Variants in SCHIP1 observed in about 807,000 individuals in gnomAD.
SCHIP1 encodes the protein schwannomin interacting protein 1.
Under a neutral mutation model 29.7 loss-of-function variants are expected in SCHIP1, and 8 were observed. The ratio of observed to expected loss-of-function variants is 0.27; its 90% CI spans 0.16 to 0.49. SCHIP1 has a LOEUF of 0.49. Among genes scored for constraint, SCHIP1 ranks in the 20% least tolerant of loss-of-function variants. SCHIP1 has a pLI of 0.99. For synonymous variants in SCHIP1, 76 were observed against 94.9 expected (o/e 0.80, Z 1.16); for missense variants, 193 against 294.6 (o/e 0.66, Z 2.52).
the SCHIP1 span, among the ~76,000 whole-genome samples, chr3:159,655,095 T>C: frequency 2.0e-5 from 3 of 152,202 alleles, no homozygotes; most frequent in Non-Finnish European, 4.4e-5. Context: ...AGCTCTACCA[T>C]TTATTTGTTG....
chr3:159,454,291 C>T, the SCHIP1 span, among the ~76,000 whole-genome samples: 14 of 152,116 alleles, frequency 9.2e-5, no homozygotes, highest in African/African-American at 3.4e-4. Context: ...AGTTTGAGAA[C>T]CGCTGACTTA....
the SCHIP1 span, among the ~76,000 whole-genome samples, chr3:159,583,575 G>A: frequency 6.6e-6 from 1 of 152,224 alleles, no homozygotes; most frequent in East Asian, 1.9e-4. Flanking sequence ...TCCAAACCCA[G>A]AGCATAAGAA....
chr3:159,800,637 G>C, the SCHIP1 span, among the ~76,000 whole-genome samples: 10 of 152,132 alleles, frequency 6.6e-5, no homozygotes. Context: ...GGCCCGTGAA[G>C]GTCCTAGTGA....
At chr3:159,839,535 C>T (rs1744006981), upstream of SCHIP1, among the ~76,000 whole-genome samples, 1 of 149,046 alleles carries the variant, frequency 6.7e-6, no homozygotes, top group Admixed American at 6.7e-5. Flanking sequence ...AAAAACTCAA[C>T]ATAGAAAAAC....
At chr3:159,637,966 A>T in the SCHIP1 span, among the ~76,000 whole-genome samples, 1 of 152,234 alleles carries the variant, frequency 6.6e-6, no homozygotes, top group East Asian at 1.9e-4. Context: ...CCATCTATGT[A>T]TCACAATGTG....
the SCHIP1 span, among the ~76,000 whole-genome samples, chr3:159,281,029 C>T: frequency 6.6e-6 from 1 of 152,162 alleles, no homozygotes; most frequent in African/African-American, 2.4e-5. Context: ...GCAATCGTGG[C>T]TGTGGAGGCT....
chr3:159,565,591 C>A, the SCHIP1 span, among the ~76,000 whole-genome samples: 1 of 152,166 alleles, frequency 6.6e-6, no homozygotes. Context: ...ATGGACTGTT[C>A]TTAAATGTTT....
the SCHIP1 span, among the ~76,000 whole-genome samples, chr3:159,618,011 T>G: frequency 1.3e-5 from 2 of 152,124 alleles, no homozygotes; most frequent in African/African-American, 2.4e-5. Context: ...AAAAAAAAAT[T>G]TAGTGTTTTG....
chr3:159,285,990 A>G, the SCHIP1 span, among the ~76,000 whole-genome samples: 2 of 151,946 alleles, frequency 1.3e-5, no homozygotes, highest in Non-Finnish European at 2.9e-5. Flanking sequence ...ATTTTTTGAC[A>G]TATGCATTGT....
chr3:159,632,338 G>A, the SCHIP1 span, among the ~76,000 whole-genome samples: 1 of 152,174 alleles, frequency 6.6e-6, no homozygotes, highest in Non-Finnish European at 1.5e-5. Context: ...CAGCTGCCCA[G>A]CTGGCCTGAA....
At chr3:159,837,345 A>G (rs1167698381), upstream of SCHIP1, among the ~76,000 whole-genome samples, 1 of 152,138 alleles carries the variant, frequency 6.6e-6, no homozygotes, top group Non-Finnish European at 1.5e-5. Flanking sequence ...TTTTATATTA[A>G]ACAGATTTCC....
the SCHIP1 span, among the ~76,000 whole-genome samples, chr3:159,509,359 G>A: frequency 1.3e-5 from 2 of 152,124 alleles, no homozygotes; most frequent in Admixed American, 6.5e-5. Context: ...GACTATGTGT[G>A]TCTCTGCATG....
At chr3:159,784,126 C>A in the SCHIP1 span, among the ~76,000 whole-genome samples, 1 of 152,204 alleles carries the variant, frequency 6.6e-6, no homozygotes, top group Admixed American at 6.5e-5. Context: ...AGAGCACGAC[C>A]AATGAATTGT....
chr3:159,779,405 C>T, the SCHIP1 span, among the ~76,000 whole-genome samples: 2 of 151,528 alleles, frequency 1.3e-5, no homozygotes, highest in South Asian at 2.1e-4. Context: ...CAGTGGCTCA[C>T]GCCTGTAATC....
At chr3:159,584,073 T>C in the SCHIP1 span, among the ~76,000 whole-genome samples, 3 of 152,140 alleles carry the variant, frequency 2.0e-5, no homozygotes, top group African/African-American at 7.2e-5. Flanking sequence ...AGCTTTCACA[T>C]TTCCCTCTTT....
chr3:159,762,185 G>C, the SCHIP1 span, among the ~76,000 whole-genome samples: 1 of 152,172 alleles, frequency 6.6e-6, no homozygotes, highest in Non-Finnish European at 1.5e-5. Context: ...GCACAAGACA[G>C]GCTGTTTACA....
intron 2 of SCHIP1, among the ~76,000 whole-genome samples, chr3:159,882,188 C>T (rs185549940): frequency 2.1e-4 from 32 of 152,296 alleles, no homozygotes; most frequent in African/African-American, 7.2e-4. Context: ...GAGGTTGTCA[C>T]AGGTCTGTGG....
At chr3:159,323,175 A>G in the SCHIP1 span, among the ~76,000 whole-genome samples, 1 of 152,238 alleles carries the variant, frequency 6.6e-6, no homozygotes, top group Admixed American at 6.5e-5. Context: ...TCAATGGGGA[A>G]ATGACTGCTC....
the SCHIP1 span, among the ~76,000 whole-genome samples, chr3:159,712,962 C>T: frequency 6.6e-6 from 1 of 150,860 alleles, no homozygotes; most frequent in Non-Finnish European, 1.5e-5. Flanking sequence ...AGTTTGAGAC[C>T]AGCCTCAACA....
Sources: gnomAD v4.1 joint callset for allele counts (sites outside exome capture counted in the v4.1 genomes callset) on GRCh38, gnomAD v4.1.1 for gene constraint, MANE v1.5 for transcripts, NCBI Gene and HGNC (gene_info 2026-07-23, HGNC 2026-07-21) for gene names.